CAMTA1: variants seen among roughly 807,000 people sequenced by gnomAD.
CAMTA1 encodes calmodulin-binding transcription activator 1.
Under a neutral mutation model 170.9 loss-of-function variants are expected in CAMTA1, and 27 were observed. The observed-to-expected ratio is 0.16, with a 90% CI of 0.12 to 0.22. The LOEUF is 0.22. Ranked by LOEUF, CAMTA1 falls within the 10% of genes least tolerant of loss-of-function variation. CAMTA1 has a pLI of 1.00. For synonymous variants in CAMTA1, 833 were observed against 891.5 expected (o/e 0.93, Z 1.17); for missense variants, 1,619 against 2,217.2 (o/e 0.73, Z 5.42).
chr1:6,846,559 C>G (rs1222257214), intron 3 of CAMTA1, among the ~76,000 whole-genome samples: 1 of 152,138 alleles, frequency 6.6e-6, no homozygotes, highest in African/African-American at 2.4e-5. Context: ...AAACTAGAAA[C>G]ATTTTTAGCT....
At chr1:7,752,738 CTGTTTGAACAA>C (rs1344804318) in intron 21 of CAMTA1, among the ~76,000 whole-genome samples, 1 of 152,192 alleles carries the variant, frequency 6.6e-6, no homozygotes, top group African/African-American at 2.4e-5. Context: ...TCAGACGATG[CTGTTTGAACAA>C]TGGAGATTCA....
intron 3 of CAMTA1, chr1:6,886,248 A>G: frequency 6.6e-6 from 3 of 456,080 alleles, no homozygotes; most frequent in Non-Finnish European, 1.3e-5. Context: ...AGGTCTTAAA[A>G]TTTTGGTAGC....
chr1:7,322,160 C>T (rs1678521467), intron 5 of CAMTA1, among the ~76,000 whole-genome samples: 1 of 152,208 alleles, frequency 6.6e-6, no homozygotes, highest in African/African-American at 2.4e-5. Flanking sequence ...CTGACTCTGG[C>T]ATAACAAACC....
At chr1:7,499,761 C>A (rs1349608882) in intron 6 of CAMTA1, among the ~76,000 whole-genome samples, 3 of 119,478 alleles carry the variant, frequency 2.5e-5, no homozygotes, top group Non-Finnish European at 5.0e-5. Flanking sequence ...ATTGTGTGAG[C>A]CTGTTGTGAG....
chr1:7,380,935 C>T lies in CAMTA1; in HGVS notation c.439-86895C>T, dbSNP rs545002395. The stretch of plus-strand genomic sequence containing the variant: ...GGCTAGTTGGAATTTATTGAGCACT[C>T]ACTCTGAGCCAGACTCTGTGCCAAG... On this transcript the variant is annotated intron_variant, in intron 5 of 22. Coordinates refer to ENST00000303635, the MANE Select transcript of CAMTA1 (RefSeq NM_015215.4). Among the ~76,000 whole-genome samples the T allele has an allele frequency of 2.0e-5, 3 of 152,250 alleles. No homozygotes were observed. In the East Asian group the frequency reaches 5.8e-4, roughly 30 times the overall value.
intron 5 of CAMTA1, among the ~76,000 whole-genome samples, chr1:7,406,789 C>G (rs1331378916): frequency 6.6e-6 from 1 of 152,156 alleles, no homozygotes; most frequent in East Asian, 1.9e-4. Context: ...CCCCAGGTGG[C>G]CCACTGCTGC....
At chr1:7,464,881 A>T (rs1309657577) in intron 5 of CAMTA1, among the ~76,000 whole-genome samples, 1 of 152,040 alleles carries the variant, frequency 6.6e-6, no homozygotes, top group Non-Finnish European at 1.5e-5. Flanking sequence ...AGCCCAAGTC[A>T]CACATCTCCC....
At chr1:7,445,965 C>T (rs1050066108) in intron 5 of CAMTA1, among the ~76,000 whole-genome samples, 5 of 152,094 alleles carry the variant, frequency 3.3e-5, no homozygotes, top group Admixed American at 2.0e-4. Context: ...AGATGCCTGG[C>T]GTGACCTTGG....
chr1:7,758,823 T>C (rs1439122490), intron 22 of CAMTA1, among the ~76,000 whole-genome samples: 1 of 150,544 alleles, frequency 6.6e-6, no homozygotes, highest in African/African-American at 2.4e-5. Flanking sequence ...TAGTCCCAGC[T>C]ACTCGGGAGG....
At chr1:7,262,557 C>T (rs1668335251) in intron 5 of CAMTA1, among the ~76,000 whole-genome samples, 1 of 152,064 alleles carries the variant, frequency 6.6e-6, no homozygotes, top group Admixed American at 6.6e-5. Flanking sequence ...AGCAGAACTC[C>T]ACCTCAAAAA....
chr1:6,864,506 C>G (rs1167489302), intron 3 of CAMTA1, among the ~76,000 whole-genome samples: 1 of 152,182 alleles, frequency 6.6e-6, no homozygotes, highest in African/African-American at 2.4e-5. Context: ...TAGACACAGT[C>G]TGCCAGGCCT....
chr1:7,630,452 G>A (rs965717504), intron 6 of CAMTA1, among the ~76,000 whole-genome samples: 7 of 152,166 alleles, frequency 4.6e-5, no homozygotes, highest in African/African-American at 1.2e-4. Context: ...CCCCTGAGCC[G>A]GCATGGTTCC....
intron 4 of CAMTA1, among the ~76,000 whole-genome samples, chr1:7,130,382 A>G (rs1645181722): frequency 6.6e-6 from 1 of 152,212 alleles, no homozygotes; most frequent in Admixed American, 6.5e-5. Flanking sequence ...TTGTTCGTGC[A>G]TAGATTATTT....
At chr1:7,646,663 G>A (rs1210479002) in intron 7 of CAMTA1, among the ~76,000 whole-genome samples, 1 of 150,404 alleles carries the variant, frequency 6.6e-6, no homozygotes, top group Non-Finnish European at 1.5e-5. Context: ...CCTGGTGACT[G>A]AGGGTGGAGG....
intron 4 of CAMTA1, among the ~76,000 whole-genome samples, chr1:7,103,943 G>A (rs1573066333): frequency 8.5e-6 from 1 of 117,980 alleles, no homozygotes; most frequent in African/African-American, 3.3e-5. Context: ...CACACATACA[G>A]CACACACGTA....
chr1:6,999,823 G>T (rs1232728030), intron 3 of CAMTA1, among the ~76,000 whole-genome samples: 1 of 152,200 alleles, frequency 6.6e-6, no homozygotes, highest in Non-Finnish European at 1.5e-5. Context: ...AGAGAATTGG[G>T]GGTGGGGAGT....
intron 3 of CAMTA1, among the ~76,000 whole-genome samples, chr1:6,926,468 CTT>C (rs1421001323): frequency 3.6e-5 from 5 of 139,874 alleles, no homozygotes; most frequent in East Asian, 2.1e-4. Context: ...TTCTTTCTTT[CTT>C]TCTTTCTTTC....
intron 4 of CAMTA1, among the ~76,000 whole-genome samples, chr1:7,247,923 G>A (rs1368376544): frequency 6.6e-6 from 1 of 152,166 alleles, no homozygotes; most frequent in Non-Finnish European, 1.5e-5. Context: ...TGTGACAAGC[G>A]CGTGGAGCCA....
At chr1:7,500,105 G>GGA (rs2093965013) in intron 6 of CAMTA1, among the ~76,000 whole-genome samples, 1 of 134,766 alleles carries the variant, frequency 7.4e-6, no homozygotes, top group Non-Finnish European at 1.6e-5. Flanking sequence ...GTGTGTAGAA[G>GGA]ATTGTGTGAG....
Sources: gnomAD v4.1 joint callset for allele counts (sites outside exome capture counted in the v4.1 genomes callset) on GRCh38, gnomAD v4.1.1 for gene constraint, MANE v1.5 for transcripts, NCBI Gene and HGNC (gene_info 2026-07-23, HGNC 2026-07-21) for gene names.